Variants in PTPRN2 observed in about 807,000 individuals in gnomAD.
The protein encoded by PTPRN2 is receptor-type tyrosine-protein phosphatase N2.
PTPRN2 carries 74 observed loss-of-function variants against 118.8 expected under a neutral mutation model. The ratio of observed to expected loss-of-function variants is 0.62; its 90% CI spans 0.52 to 0.76. PTPRN2 has a LOEUF of 0.76. Among genes scored for constraint, PTPRN2 ranks in the 30% least tolerant of loss-of-function variants. The pLI is 0.00. For synonymous variants in PTPRN2, 641 were observed against 608.0 expected (o/e 1.05, Z -0.80); for missense variants, 1,481 against 1,394.4 (o/e 1.06, Z -0.99).
chr7:158,456,117 G>C (rs995141341), intron 2 of PTPRN2, among the ~76,000 whole-genome samples: 6 of 150,798 alleles, frequency 4.0e-5, no homozygotes, highest in Non-Finnish European at 7.4e-5. Flanking sequence ...GAAGACAACA[G>C]CCACCCATCA....
intron 12 of PTPRN2, among the ~76,000 whole-genome samples, chr7:157,815,870 G>A (rs762165151): frequency 5.9e-5 from 9 of 152,228 alleles, no homozygotes; most frequent in Non-Finnish European, 8.8e-5. Flanking sequence ...GCGGTGACAC[G>A]TTGCAGACAT....
rs569571347 is a variant in PTPRN2, at chr7:158,110,868, C to T, written c.1604G>A (p.Arg535His). 117 of 1,587,970 alleles carry T rather than the reference C, an allele frequency of 7.4e-5. No individual in the cohort carries two copies. The highest frequency in any genetic ancestry group is 9.0e-5 in the Non-Finnish European group (105 of 1,167,128). ...CGCACTGCTGGGCACCTGCAGGAGG[C>T]GGGCGACGTCCTCCACCAGCCGCCT... is the stretch of plus-strand genomic sequence containing the variant. Reference protein sequence around the residue: ...EGRRLVEDVARLLQVPSSAFA... With the variant: ...EGRRLVEDVAHLLQVPSSAFA... Residue 535 changes from arginine (R) to histidine (H), a missense_variant, in exon 10 of 23, where the codon CGC becomes CAC. Coordinates refer to ENST00000389418, the MANE Select transcript of PTPRN2 (RefSeq NM_002847.5).
intron 5 of PTPRN2, among the ~76,000 whole-genome samples, chr7:158,175,360 C>T (rs540629047): frequency 3.3e-5 from 5 of 152,248 alleles, no homozygotes; most frequent in East Asian, 1.9e-4. Context: ...GGCTCCGGCT[C>T]GTGAATGTGG....
At chr7:157,927,982 G>A (rs1484179140) in intron 11 of PTPRN2, among the ~76,000 whole-genome samples, 1 of 152,154 alleles carries the variant, frequency 6.6e-6, no homozygotes, top group Non-Finnish European at 1.5e-5. Flanking sequence ...CCGACGCTTA[G>A]AGGGACTGTG....
chr7:158,247,502 G>C (rs1005834840), intron 3 of PTPRN2, among the ~76,000 whole-genome samples: 78 of 152,332 alleles, frequency 5.1e-4, no homozygotes, highest in African/African-American at 1.8e-3. Flanking sequence ...ACGGCTCGTG[G>C]GCAGCTGGGC....
chr7:158,352,896 G>C (rs1309649803), intron 2 of PTPRN2, among the ~76,000 whole-genome samples: 1 of 152,220 alleles, frequency 6.6e-6, no homozygotes, highest in South Asian at 2.1e-4. Context: ...TCTGTTTCTG[G>C]AACATGGCAG....
rs1585342921 is a variant in PTPRN2 at position 157,737,263 on chromosome 7, G to A, written c.1789-54326C>T. On this transcript the variant is annotated intron_variant, in intron 12 of 22. Coordinates refer to ENST00000389418, the MANE Select transcript of PTPRN2 (RefSeq NM_002847.5). ...CACTCTCCTGTCTGAGGGCTGAGAA[G>A]CCCAAGCTCGCCCCAGACTGGGGCC... Among the ~76,000 whole-genome samples, 7 of 152,364 alleles carry A rather than the reference G, an allele frequency of 4.6e-5. No individual in the cohort carries two copies. In the East Asian group the frequency reaches 1.4e-3, roughly 29 times the overall value.
chr7:157,797,086 C>T (rs1804916719), intron 12 of PTPRN2, among the ~76,000 whole-genome samples: 2 of 152,328 alleles, frequency 1.3e-5, no homozygotes, highest in South Asian at 4.1e-4. Flanking sequence ...GCCGGGGATT[C>T]AACTGCACCG....
intron 12 of PTPRN2, among the ~76,000 whole-genome samples, chr7:157,807,861 C>T (rs961828898): frequency 1.2e-4 from 18 of 152,208 alleles, no homozygotes; most frequent in East Asian, 3.9e-4. Context: ...TCTCATGGCA[C>T]GTCAGGCTCT....
At chr7:158,488,752 T>C (rs904403279) in intron 2 of PTPRN2, among the ~76,000 whole-genome samples, 8 of 152,258 alleles carry the variant, frequency 5.3e-5, no homozygotes, top group Admixed American at 4.6e-4. Flanking sequence ...CCATCCTCGC[T>C]AGGATTAAAT....
intron 12 of PTPRN2, among the ~76,000 whole-genome samples, chr7:157,871,761 A>C (rs1030572912): frequency 3.1e-5 from 4 of 129,956 alleles, no homozygotes; most frequent in Admixed American, 6.9e-5. Context: ...ACATATGCAC[A>C]CATACACACA....
intron 6 of PTPRN2, among the ~76,000 whole-genome samples, chr7:158,157,053 C>G (rs979818229): frequency 6.6e-6 from 1 of 151,148 alleles, no homozygotes; most frequent in Non-Finnish European, 1.5e-5. Context: ...GCTTACACAG[C>G]GGACAGCACC....
chr7:157,800,812 T>C (rs928295068), intron 12 of PTPRN2, among the ~76,000 whole-genome samples: 7 of 151,442 alleles, frequency 4.6e-5, no homozygotes, highest in Admixed American at 1.3e-4. Context: ...ACCAGCCGGG[T>C]GTGGTGGCGG....
At chr7:158,126,892 G>A (rs948183296) in intron 9 of PTPRN2, among the ~76,000 whole-genome samples, 9 of 152,264 alleles carry the variant, frequency 5.9e-5, no homozygotes, top group Middle Eastern at 3.4e-3. Context: ...CCTGGCCGGC[G>A]GATCCCTGCC....
At chr7:158,283,195 G>A (rs568872976) in intron 3 of PTPRN2, among the ~76,000 whole-genome samples, 10 of 152,310 alleles carry the variant, frequency 6.6e-5, no homozygotes, top group African/African-American at 1.2e-4. Context: ...TTTTGTATTC[G>A]CCACAATAAG....
rs369440435 is a variant in PTPRN2 at position 158,376,081 on chromosome 7, G to A, written c.164-59149C>T. 1.0e-3 allele frequency among the ~76,000 whole-genome samples: 153 copies of A among 152,312 alleles called. 1 individual carries two copies. Among genetic ancestry groups the A allele is most frequent in the African/African-American group, 3.4e-3 (141 of 41,556 alleles). On this transcript the variant is annotated intron_variant, in intron 2 of 22. Coordinates refer to ENST00000389418, the MANE Select transcript of PTPRN2 (RefSeq NM_002847.5). ...AAAAGAGCACTGTAGCACACCCACCGCGGCTTTGGGAGTCACAGACACCCC... is the reference window on the plus strand; with the variant it reads ...AAAAGAGCACTGTAGCACACCCACCACGGCTTTGGGAGTCACAGACACCCC...
intron 12 of PTPRN2, among the ~76,000 whole-genome samples, chr7:157,835,790 A>G (rs1456881180): frequency 1.3e-5 from 2 of 152,232 alleles, no homozygotes; most frequent in Non-Finnish European, 2.9e-5. Flanking sequence ...AATGATCCAG[A>G]TACATTAACA....
chr7:157,685,290 G>A (rs1292969787), intron 12 of PTPRN2, among the ~76,000 whole-genome samples: 1 of 151,968 alleles, frequency 6.6e-6, no homozygotes, highest in East Asian at 1.9e-4. Flanking sequence ...GACACCGCGC[G>A]CTCACGTGGA....
Position 157,869,067 on chromosome 7 carries a change from G to A in PTPRN2, c.1788+29606C>T, listed in dbSNP as rs183636217. On this transcript the variant is annotated intron_variant, in intron 12 of 22. Coordinates refer to ENST00000389418, the MANE Select transcript of PTPRN2 (RefSeq NM_002847.5). The surrounding 1 kb of genome is among the most constrained non-coding windows in gnomAD (Gnocchi z 4.2). Reference sequence around the variant, plus strand: ...GTAATTCCAAATCTGTAAGTACTAAGTTTTAAAATGCGTGTGAGCAAGTCA... The same window carrying A: ...GTAATTCCAAATCTGTAAGTACTAAATTTTAAAATGCGTGTGAGCAAGTCA... 1 of 152,346 alleles carries A rather than the reference G, an allele frequency of 6.6e-6. No homozygotes were observed. The highest frequency in any genetic ancestry group is 6.5e-5 in the Admixed American group (1 of 15,310). The allele number at this position is 152,346 out of a possible 1,614,324, so 9.4% of individuals were successfully genotyped here.
Sources: allele counts gnomAD v4.1 joint callset (sites outside exome capture counted in the v4.1 genomes callset), GRCh38; gene constraint gnomAD v4.1.1; non-coding constraint Gnocchi (gnomAD v3.1); transcripts MANE v1.5; gene names NCBI Gene and HGNC (gene_info 2026-07-23, HGNC 2026-07-21).